Variants in MAST4 observed in about 807,000 individuals in gnomAD.
MAST4 encodes the protein microtubule-associated serine/threonine-protein kinase 4.
In MAST4, 89 loss-of-function variants were observed where a neutral mutation model predicts 162.7. That is an observed-to-expected ratio of 0.55 (90% CI 0.46 to 0.65). The LOEUF (loss-of-function observed/expected upper bound fraction) is 0.65, where lower values mean the gene tolerates loss of function less well. Among genes scored for constraint, MAST4 ranks in the 30% least tolerant of loss-of-function variants. The pLI is 0.00. For missense variants in MAST4, 3,153 were observed against 3,374.0 expected (o/e 0.93, Z 1.62); for synonymous variants, 1,479 against 1,361.1 (o/e 1.09, Z -1.91).
At chr5:66,617,818 T>TA (rs1743798748) in intron 1 of MAST4, among the ~76,000 whole-genome samples, 1 of 152,064 alleles carries the variant, frequency 6.6e-6, no homozygotes, top group Non-Finnish European at 1.5e-5. Flanking sequence ...ATTAACAAAG[T>TA]AAAACATCAA....
chr5:66,638,218 T>A (rs1024219429), intron 1 of MAST4, among the ~76,000 whole-genome samples: 1 of 152,152 alleles, frequency 6.6e-6, no homozygotes, highest in Non-Finnish European at 1.5e-5. Context: ...TCTGGGCAGG[T>A]CTTTGGCAGT....
chr5:67,069,070 A>G (rs530918674), intron 5 of MAST4, among the ~76,000 whole-genome samples: 1 of 152,122 alleles, frequency 6.6e-6, no homozygotes, highest in South Asian at 2.1e-4. Context: ...TGAGCATTCT[A>G]AAGTGGTCCA....
At chr5:67,129,799 A>C (rs770933064) in intron 14 of MAST4, among the ~76,000 whole-genome samples, 13 of 152,072 alleles carry the variant, frequency 8.5e-5, no homozygotes, top group African/African-American at 3.1e-4. Context: ...AATATCTACT[A>C]TCTAACGCTA....
At chr5:67,156,088 G>C (rs922732693) in intron 26 of MAST4, among the ~76,000 whole-genome samples, 4 of 150,868 alleles carry the variant, frequency 2.7e-5, no homozygotes, top group Non-Finnish European at 4.4e-5. Context: ...AGACACGTAA[G>C]GATAATAGTT....
chr5:67,062,219 G>A (rs1759705750), intron 5 of MAST4, among the ~76,000 whole-genome samples: 1 of 152,142 alleles, frequency 6.6e-6, no homozygotes, highest in Admixed American at 6.6e-5. Flanking sequence ...GGCCAACATG[G>A]TGAAACCATC....
intron 1 of MAST4, among the ~76,000 whole-genome samples, chr5:66,743,255 G>A (rs1752572830): frequency 6.6e-6 from 1 of 152,040 alleles, no homozygotes; most frequent in Non-Finnish European, 1.5e-5. Context: ...TCCTCCTCAT[G>A]TATGTGTTTC....
intron 4 of MAST4, among the ~76,000 whole-genome samples, chr5:67,029,043 G>A (rs147897640): frequency 2.6e-5 from 4 of 151,994 alleles, no homozygotes; most frequent in Non-Finnish European, 5.9e-5. Context: ...GCTGAAGTGA[G>A]AAGATCACTT....
intron 4 of MAST4, among the ~76,000 whole-genome samples, chr5:67,011,416 G>GTA (rs1752653988): frequency 1.3e-5 from 2 of 152,160 alleles, no homozygotes; most frequent in African/African-American, 4.8e-5. Flanking sequence ...CTTTCTTTAT[G>GTA]CTCTTGACTG....
In MAST4 at chr5:66,846,319, C is replaced by T. The variant is rs547498709; in HGVS notation, c.643-53632C>T. 6.0e-4 allele frequency among the ~76,000 whole-genome samples: 91 copies of T among 152,178 alleles called. 1 individual carries two copies. The highest frequency in any genetic ancestry group is 1.1e-3 in the Non-Finnish European group (74 of 68,014). ...GATGGGTGTGGTTAGGGTATCTATG[C>T]GAAGGTGGTTAGTTTGGTAGAAAAA... On this transcript the variant is annotated intron_variant, in intron 3 of 28. Coordinates refer to ENST00000403625, the MANE Select transcript of MAST4 (RefSeq NM_001164664.2).
intron 8 of MAST4, among the ~76,000 whole-genome samples, chr5:67,100,968 A>G (rs1764959254): frequency 1.3e-5 from 2 of 152,204 alleles, no homozygotes; most frequent in Non-Finnish European, 2.9e-5. Flanking sequence ...AAAATTCCAG[A>G]TTCCATATTA....
intron 4 of MAST4, among the ~76,000 whole-genome samples, chr5:66,972,062 G>A (rs1435159634): frequency 6.6e-6 from 1 of 152,126 alleles, no homozygotes; most frequent in Non-Finnish European, 1.5e-5. Flanking sequence ...TCTTGGAGGT[G>A]GTGTAAGAAT....
intron 4 of MAST4, among the ~76,000 whole-genome samples, chr5:66,946,308 T>A (rs1299629274): frequency 6.6e-6 from 1 of 152,144 alleles, no homozygotes; most frequent in Non-Finnish European, 1.5e-5. Context: ...TATATCTCAG[T>A]TTCATGCTTT....
intron 3 of MAST4, among the ~76,000 whole-genome samples, chr5:66,824,462 G>C (rs1006578229): frequency 5.9e-5 from 9 of 152,242 alleles, no homozygotes; most frequent in African/African-American, 2.2e-4. Flanking sequence ...AGTTCAGCGA[G>C]AGCTGCTGGA....
chr5:67,032,662 T>G (rs1487760510), intron 4 of MAST4, among the ~76,000 whole-genome samples: 1 of 152,156 alleles, frequency 6.6e-6, no homozygotes, highest in Non-Finnish European at 1.5e-5. Context: ...CTGGTCTGTC[T>G]GGATCAGTGG....
At chr5:66,942,599 A>C (rs1002062925) in intron 4 of MAST4, among the ~76,000 whole-genome samples, 2 of 152,134 alleles carry the variant, frequency 1.3e-5, no homozygotes, top group Non-Finnish European at 1.5e-5. Context: ...TGTGGGTGAA[A>C]GAGAGAGTGA....
At position 67,163,930 on chromosome 5, in the gene MAST4, C is replaced by T; in HGVS notation, c.4751C>T (p.Ser1584Leu). ...GTCTATCCGAAGGCTGTGGAAAGGTCAAGTACTTTTGAAAACAAAGCGTCT... is the reference window on the plus strand; with the variant it reads ...GTCTATCCGAAGGCTGTGGAAAGGTTAAGTACTTTTGAAAACAAAGCGTCT... ...KKVYPKAVER[S>L]STFENKASMQ... Residue 1584 changes from serine (S) to leucine (L), a missense_variant, in exon 29 of 29, where the codon TCA (serine) becomes TTA (leucine). This residue lies in a region of MAST4 where 1,644 missense variants were observed against 1,495.0 expected (regional missense o/e 1.10). Coordinates refer to ENST00000403625, the MANE Select transcript of MAST4 (RefSeq NM_001164664.2). The surrounding 1 kb of genome is among the most constrained non-coding windows in gnomAD (Gnocchi z 7.0). 6.2e-7 allele frequency: 1 copy of T among 1,613,894 alleles called. No individual in the cohort carries two copies. Among genetic ancestry groups the T allele is most frequent in the East Asian group, 2.2e-5 (1 of 44,878 alleles).
intron 1 of MAST4, among the ~76,000 whole-genome samples, chr5:66,684,897 A>T (rs938967287): frequency 6.6e-6 from 1 of 152,144 alleles, no homozygotes; most frequent in Non-Finnish European, 1.5e-5. Context: ...GCTGACTGCT[A>T]CAATTCCAGT....
intron 14 of MAST4, among the ~76,000 whole-genome samples, chr5:67,127,004 A>C (rs1483544886): frequency 6.6e-6 from 1 of 152,142 alleles, no homozygotes; most frequent in African/African-American, 2.4e-5. Context: ...TCTTTGTAGC[A>C]GTTGTGAATG....
At chr5:67,094,151 G>A (rs971271040) in intron 6 of MAST4, 2 of 1,492,648 alleles carry the variant, frequency 1.3e-6, no homozygotes, top group Admixed American at 1.8e-5. Context: ...TCCAATCATG[G>A]TACAGAAATG....
Sources: allele counts gnomAD v4.1 joint callset (sites outside exome capture counted in the v4.1 genomes callset), GRCh38; gene constraint gnomAD v4.1.1; regional missense constraint gnomAD v4.1.1; non-coding constraint Gnocchi (gnomAD v3.1); transcripts MANE v1.5; gene names NCBI Gene and HGNC (gene_info 2026-07-23, HGNC 2026-07-21).